The following PMFBP1 variants were observed in gnomAD, a reference collection of about 807,000 sequenced individuals.
PMFBP1 encodes polyamine modulated factor 1 binding protein 1.
PMFBP1 carries 131 observed loss-of-function variants against 137.8 expected under a neutral mutation model. The observed-to-expected ratio is 0.95, with a 90% confidence interval of 0.82 to 1.10. The LOEUF (loss-of-function observed/expected upper bound fraction) is 1.10, where lower values mean the gene tolerates loss of function less well. PMFBP1 is among the 50% of genes least tolerant of loss of function. The pLI, the probability that PMFBP1 is intolerant of heterozygous loss-of-function variation, is 0.00. For missense variants in PMFBP1, 1,199 were observed against 1,175.4 expected, an observed-to-expected ratio of 1.02 and a Z score of -0.29; for synonymous variants, 490 against 450.4, an observed-to-expected ratio of 1.09 and a Z score of -1.11.
At chr16:72,227,387 A>T in the PMFBP1 span, among the ~76,000 whole-genome samples, 1 of 152,216 alleles carries the variant, frequency 6.6e-6, no homozygotes, top group Non-Finnish European at 1.5e-5. Context: ...TCCAATGATT[A>T]AAGGGACACA....
At chr16:72,135,373 T>G (rs368698050) in intron 9 of PMFBP1, among the ~76,000 whole-genome samples, 36,644 of 148,806 alleles carry the variant, frequency 0.25, 5,294 homozygotes, top group Non-Finnish European at 0.32. Flanking sequence ...TTTTTTTTTT[T>G]TTTTTGTTGT....
At chr16:72,195,486 T>C in the PMFBP1 span, among the ~76,000 whole-genome samples, 3 of 152,170 alleles carry the variant, frequency 2.0e-5, no homozygotes, top group African/African-American at 7.2e-5. Context: ...CCAGCCCCGC[T>C]TTAACCTTGC....
chr16:72,231,317 C>T, the PMFBP1 span, among the ~76,000 whole-genome samples: 2 of 152,174 alleles, frequency 1.3e-5, no homozygotes, highest in Non-Finnish European at 2.9e-5. Flanking sequence ...TACATTACTA[C>T]AGTCTCTAAA....
intron 2 of PMFBP1, among the ~76,000 whole-genome samples, chr16:72,169,630 A>C (rs1163695461): frequency 6.6e-6 from 1 of 152,100 alleles, no homozygotes; most frequent in African/African-American, 2.4e-5. Flanking sequence ...ATAATAAAAA[A>C]GATTTAAAAA....
At position 72,128,644 on chromosome 16, in the gene PMFBP1, C is replaced by T. The variant is rs1377278613; in HGVS notation, c.2088+13G>A. ...TCAAATTCCTCACTCCCTTGGGGTT[C>T]CTGTCTACTCACCTCTTTATTCAAG... On this transcript the variant is annotated intron_variant, in intron 14 of 20. Coordinates refer to ENST00000237353, the MANE Select transcript of PMFBP1 (RefSeq NM_031293.3). The T allele has an allele frequency of 6.2e-7, 1 of 1,614,028 alleles. No individual in the cohort carries two copies.
intron 18 of PMFBP1, 84 bp downstream of exon 18, chr16:72,123,462 G>C: frequency 8.7e-7 from 1 of 1,147,708 alleles, no homozygotes; most frequent in South Asian, 1.4e-5. Flanking sequence ...GCAGGGGTGT[G>C]TGTGACTAAT....
intron 3 of PMFBP1, among the ~76,000 whole-genome samples, chr16:72,161,595 C>A (rs923206351): frequency 3.3e-5 from 5 of 152,062 alleles, no homozygotes; most frequent in Non-Finnish European, 5.9e-5. Context: ...TTTTGATTTA[C>A]AGAAAAATTG....
chr16:72,159,797 C>CTT (rs34162927), intron 3 of PMFBP1, among the ~76,000 whole-genome samples: 46,281 of 147,450 alleles, frequency 0.31, 8,259 homozygotes, highest in African/African-American at 0.51. Flanking sequence ...GCTTCTTTGT[C>CTT]TTTTTTTTTT....
intron 10 of PMFBP1, 23 bp from the exon 11 acceptor site, chr16:72,130,745 A>T: frequency 6.3e-7 from 1 of 1,594,592 alleles, no homozygotes; most frequent in South Asian, 1.1e-5. Context: ...GGAGATGGCC[A>T]TGTGAGAAGG....
At chr16:72,146,927 T>A (rs1440347863) in intron 5 of PMFBP1, among the ~76,000 whole-genome samples, 1 of 152,088 alleles carries the variant, frequency 6.6e-6, no homozygotes, top group Admixed American at 6.5e-5. Flanking sequence ...AGAATCAATA[T>A]CATGAAAATG....
chr16:72,206,734 T>C, the PMFBP1 span, among the ~76,000 whole-genome samples: 6 of 152,206 alleles, frequency 3.9e-5, no homozygotes, highest in Non-Finnish European at 8.8e-5. Context: ...GCACTGCTTT[T>C]AGCTGAACTC....
chr16:72,118,107 T>A (rs1204518874), downstream of PMFBP1, among the ~76,000 whole-genome samples: 2 of 152,228 alleles, frequency 1.3e-5, no homozygotes, highest in Non-Finnish European at 2.9e-5. Flanking sequence ...TATGAAATAT[T>A]TTGGTAAATT....
chr16:72,172,244 C>G (rs1314765213), upstream of PMFBP1: 1 of 151,966 alleles, frequency 6.6e-6, no homozygotes, highest in Non-Finnish European at 1.5e-5. Context: ...CACAGAGGTG[C>G]ATCATGGAAA....
chr16:72,199,382 G>A, the PMFBP1 span, among the ~76,000 whole-genome samples: 5 of 152,156 alleles, frequency 3.3e-5, no homozygotes, highest in Admixed American at 6.5e-5. Context: ...GGCTGGGTGC[G>A]GTGGCTCATG....
At position 72,139,322 on chromosome 16, in the gene PMFBP1, A is replaced by G. The variant is rs901897823; in HGVS notation, c.885T>C (p.Pro295=). ...TGTCTTCACACTCTTCTGAGGAGCT[A>G]GGAGGGTATCTGTGGGTGGCTGTAC... ...ASCTATHRYP[P]SSSEECEDIK... The change falls in exon 7 of 21, where the codon CCT becomes CCC. Residue 295 remains proline, a synonymous_variant. Coordinates refer to ENST00000237353, the MANE Select transcript of PMFBP1 (RefSeq NM_031293.3). 1.2e-6 allele frequency: 2 copies of G among 1,614,024 alleles called. No homozygotes were observed. The highest frequency in any genetic ancestry group is 1.7e-6 in the Non-Finnish European group (2 of 1,179,884).
At chr16:72,185,028 T>C in the PMFBP1 span, among the ~76,000 whole-genome samples, 2 of 119,856 alleles carry the variant, frequency 1.7e-5, no homozygotes, top group South Asian at 1.1e-3. Flanking sequence ...TCCTGTTTTC[T>C]TTTTTTTTTT....
chr16:72,220,857 T>A, the PMFBP1 span, among the ~76,000 whole-genome samples: 1 of 152,088 alleles, frequency 6.6e-6, no homozygotes, highest in African/African-American at 2.4e-5. Context: ...TCCAGTTGCA[T>A]TTTTCCCTAA....
chr16:72,239,248 A>T, the PMFBP1 span, among the ~76,000 whole-genome samples: 1 of 152,336 alleles, frequency 6.6e-6, no homozygotes, highest in South Asian at 2.1e-4. Context: ...TTTCTTCCTC[A>T]GAAGCAAAAA....
chr16:72,210,313 A>G, the PMFBP1 span, among the ~76,000 whole-genome samples: 1 of 152,222 alleles, frequency 6.6e-6, no homozygotes, highest in African/African-American at 2.4e-5. Context: ...GATGACTTAT[A>G]GAGAGCAAAA....
Sources: allele counts gnomAD v4.1 joint callset (sites outside exome capture counted in the v4.1 genomes callset), GRCh38; gene constraint gnomAD v4.1.1; transcripts MANE v1.5; gene names NCBI Gene and HGNC (gene_info 2026-07-23, HGNC 2026-07-21).